Variants in MED16 observed in about 807,000 individuals in gnomAD.
MED16 encodes the protein mediator of RNA polymerase II transcription subunit 16.
Under a neutral mutation model 84.4 loss-of-function variants are expected in MED16, and 81 were observed. That is an observed-to-expected ratio of 0.96 (90% confidence interval 0.80 to 1.15). The LOEUF (loss-of-function observed/expected upper bound fraction) is 1.15, where lower values mean the gene tolerates loss of function less well. Among genes scored for constraint, MED16 ranks in the 50% most tolerant of loss-of-function variants. The pLI, the probability that MED16 is intolerant of heterozygous loss-of-function variation, is 0.00. For synonymous variants in MED16, 897 were observed against 552.2 expected (o/e 1.62, Z -8.76); for missense variants, 1,585 against 1,245.9 (o/e 1.27, Z -4.10).
intron 8 of MED16, among the ~76,000 whole-genome samples, chr19:879,149 C>G: frequency 6.7e-6 from 1 of 149,204 alleles, no homozygotes; most frequent in Non-Finnish European, 1.5e-5. Flanking sequence ...GCCCCAGCCC[C>G]ACGTGCCCCA....
intron 8 of MED16, among the ~76,000 whole-genome samples, chr19:878,043 T>G (rs1196317645): frequency 5.0e-4 from 42 of 83,616 alleles, no homozygotes; most frequent in Admixed American, 9.1e-4. Context: ...CAGCCCCACG[T>G]GCCCCAGCAG....
intron 4 of MED16, among the ~76,000 whole-genome samples, chr19:889,104 CCTA>C (rs2036580620): frequency 7.4e-6 from 1 of 135,652 alleles, no homozygotes; most frequent in African/African-American, 2.9e-5. Flanking sequence ...CCTGGCCACG[CCTA>C]CTTCTTAACT....
At chr19:871,672 T>G (rs756989326) in intron 12 of MED16, 4 of 1,564,578 alleles carry the variant, frequency 2.6e-6, no homozygotes, top group Non-Finnish European at 2.6e-6. Context: ...ACTGGGGAAA[T>G]AGCAGATATC....
At chr19:873,914 C>CTG (rs1555715195) in intron 10 of MED16, among the ~76,000 whole-genome samples, 1 of 152,156 alleles carries the variant, frequency 6.6e-6, no homozygotes, top group Non-Finnish European at 1.5e-5. Flanking sequence ...GAGGTGAACT[C>CTG]TGTGAACACA....
chr19:873,330 CGGGA>C (rs1568321578), intron 11 of MED16, 115 bp downstream of exon 11: 31 of 252,352 alleles, frequency 1.2e-4, no homozygotes, highest in Non-Finnish European at 1.6e-5. Flanking sequence ...CAAGTAGGGG[CGGGA>C]CTCCAACTAG....
chr19:884,989 C>T lies in MED16; in HGVS notation c.899G>A (p.Ser300Asn). 1.9e-6 allele frequency: 3 copies of T among 1,604,520 alleles called. No individual in the cohort carries two copies. The highest frequency in any genetic ancestry group is 2.5e-6 in the Non-Finnish European group (3 of 1,177,912). ...MSEQVLLCAS[S>N]QTSSIVECWS... ...GCACTCCACGATGCTGCTGGTCTGG[C>T]TGGACGCGCACAAAAGCACCTGCGG... Residue 300 changes from serine to asparagine, a missense_variant, in exon 6 of 16, where the codon AGC becomes AAC. Physicochemically the swap from Ser to Asn is conservative, Grantham distance 46. Transcript: ENST00000325464.
chr19:875,184 TA>T, intron 10 of MED16, 59 bp downstream of exon 10: 3 of 1,179,078 alleles, frequency 2.5e-6, no homozygotes, highest in Middle Eastern at 2.9e-4. Flanking sequence ...AAAAAATAAA[TA>T]AAAATAAAAT....
chr19:889,591 G>T (rs1296012914), intron 4 of MED16, 47 bp downstream of exon 4: 3 of 1,564,748 alleles, frequency 1.9e-6, no homozygotes, highest in African/African-American at 1.3e-5. Flanking sequence ...GGCTGGGTAG[G>T]GTGACATCTC....
intron 8 of MED16, 58 bp from the exon 9 acceptor site, chr19:877,238 G>T (rs961447501): frequency 2.0e-6 from 3 of 1,526,842 alleles, no homozygotes; most frequent in East Asian, 2.4e-5. Context: ...CCTCAGCCGG[G>T]AGAGGAATGG....
chr19:870,334 GTGGA>G (rs1227457136), intron 13 of MED16, among the ~76,000 whole-genome samples: 1 of 152,130 alleles, frequency 6.6e-6, no homozygotes, highest in African/African-American at 2.4e-5. Flanking sequence ...GGCGAGGCAG[GTGGA>G]TCACCTGAGG....
intron 12 of MED16, chr19:871,644 C>G: frequency 1.9e-6 from 3 of 1,592,188 alleles, no homozygotes; most frequent in East Asian, 2.2e-5. Context: ...CCACACAGAG[C>G]ATGGACCTGT....
intron 13 of MED16, among the ~76,000 whole-genome samples, 180 bp downstream of exon 13, chr19:870,853 TGGAG>T (rs921736914): frequency 4.6e-5 from 1 of 21,934 alleles, no homozygotes; most frequent in Non-Finnish European, 8.7e-5. Flanking sequence ...GGGCAGGACA[TGGAG>T]GGAGGGAGCC....
Position 872,033 on chromosome 19 carries a change from A to G in MED16, c.1991T>C (p.Ile664Thr). 1 of 1,609,666 alleles carries G rather than the reference A, an allele frequency of 6.2e-7. No individual in the cohort carries two copies. The highest frequency in any genetic ancestry group is 8.5e-7 in the Non-Finnish European group (1 of 1,178,476). Residue 664 changes from isoleucine (I) to threonine (T), a missense_variant, in exon 12 of 16, where the codon ATC becomes ACC. By Grantham distance (89) the Ile-to-Thr change is moderately conservative. Coordinates refer to ENST00000325464, the MANE Select transcript of MED16 (RefSeq NM_005481.3). The part of the protein sequence containing the change: ...MLRELMVVIR[I>T]WGLLKPSCLP... Reference sequence around the variant, plus strand: ...GCAGCTGGGCTTCAGAAGGCCCCAGATGCGGATGACCACCATCAATTCCCG... The same window carrying G: ...GCAGCTGGGCTTCAGAAGGCCCCAGGTGCGGATGACCACCATCAATTCCCG...
At chr19:873,003 G>A (rs1373444876) in intron 11 of MED16, 2 of 213,700 alleles carry the variant, frequency 9.4e-6, no homozygotes, top group Non-Finnish European at 1.4e-5. Flanking sequence ...TCCGAGGTGG[G>A]GGAGGGCTCC....
chr19:886,080 ACGGTGACCAGGC>A lies in MED16; in HGVS notation c.557_568del (p.Gly186_Thr189del), dbSNP rs1439430384. The A allele has an allele frequency of 6.3e-7, 1 of 1,594,476 alleles. No homozygotes were observed. The highest frequency in any genetic ancestry group is 8.5e-7 in the Non-Finnish European group (1 of 1,174,442). On this transcript the variant is annotated inframe_deletion, in exon 5 of 16. Transcript: ENST00000325464. ...CTGCCCGCTGGGCTTCAGCAGGGAC[ACGGTGACCAGGC>A]CGCTGACCGTCACCGCGATCCAGCC...
chr19:886,216 G>C lies in MED16; in HGVS notation c.448-15C>G, dbSNP rs768910030. ...GAGGCGCCCGACTGTGGAGAAGGGA[G>C]GGAGGGAGGAGGGGCCGCTCAGGCT... On this transcript the variant is annotated splice_polypyrimidine_tract_variant and intron_variant, in intron 4 of 15. Transcript: ENST00000325464. The C allele has an allele frequency of 2.0e-6, 3 of 1,495,836 alleles. No individual in the cohort carries two copies. Among genetic ancestry groups the C allele is most frequent in the African/African-American group, 2.8e-5 (2 of 71,200 alleles). 92.7% of individuals were successfully genotyped at this position (1,495,836 alleles called of 1,614,324 possible). A position where few individuals can be genotyped will look rare whatever the true frequency, so the allele number is the denominator to read the frequency against.
chr19:889,485 C>T, intron 4 of MED16, 153 bp downstream of exon 4: 1 of 805,974 alleles, frequency 1.2e-6, no homozygotes, highest in South Asian at 1.9e-5. Context: ...ACTGAACACA[C>T]AGGTGCTAAT....
chr19:874,001 C>G (rs953191831), intron 10 of MED16, among the ~76,000 whole-genome samples: 12 of 152,230 alleles, frequency 7.9e-5, no homozygotes, highest in African/African-American at 2.9e-4. Flanking sequence ...ACAGATGCCT[C>G]TCGGATGGTG....
At chr19:883,994 G>A (rs533653475) in intron 6 of MED16, among the ~76,000 whole-genome samples, 2 of 152,246 alleles carry the variant, frequency 1.3e-5, no homozygotes, top group South Asian at 2.1e-4. Context: ...TACTGCCTCT[G>A]CGGCCACAAT....
Sources: allele counts gnomAD v4.1 joint callset (sites outside exome capture counted in the v4.1 genomes callset), GRCh38; gene constraint gnomAD v4.1.1; transcripts MANE v1.5; gene names NCBI Gene and HGNC (gene_info 2026-07-23, HGNC 2026-07-21).